Variants in ARMC12 observed in about 807,000 individuals in gnomAD.
ARMC12 encodes the protein armadillo repeat containing 12, also known as armadillo repeat-containing protein 12.
Under a neutral mutation model 37.4 loss-of-function variants are expected in ARMC12, and 25 were observed. The observed-to-expected ratio is 0.67, with a 90% CI of 0.49 to 0.93. The LOEUF is 0.93. Ranked by LOEUF, ARMC12 falls within the 40% of genes least tolerant of loss-of-function variation. The pLI is 0.00. For synonymous variants in ARMC12, 167 were observed against 176.1 expected (o/e 0.95, Z 0.41); for missense variants, 384 against 426.6 (o/e 0.90, Z 0.88).
chr6:35,744,054 A>G (rs1767258949), intron 3 of ARMC12, among the ~76,000 whole-genome samples: 1 of 152,188 alleles, frequency 6.6e-6, no homozygotes, highest in South Asian at 2.1e-4. Context: ...AATACATTGG[A>G]CTTTATTAAA....
chr6:35,743,521 A>G (rs771217364), intron 3 of ARMC12, among the ~76,000 whole-genome samples: 2 of 152,154 alleles, frequency 1.3e-5, no homozygotes, highest in Admixed American at 6.5e-5. Context: ...TCCTGCCCGC[A>G]TCTTGCATCC....
upstream of ARMC12, among the ~76,000 whole-genome samples, chr6:35,732,301 T>C (rs1025410092): frequency 2.6e-5 from 4 of 152,138 alleles, no homozygotes; most frequent in Non-Finnish European, 5.9e-5. Context: ...CAGCCTTTCA[T>C]CTCTTGGCTT....
At chr6:35,736,352 A>T (rs569255240), upstream of ARMC12, among the ~76,000 whole-genome samples, 21 of 150,744 alleles carry the variant, frequency 1.4e-4, no homozygotes, top group Non-Finnish European at 2.4e-4. Context: ...TAGGGTGGAG[A>T]GATCACATAT....
rs74403253 is a variant in ARMC12 at position 35,747,057 on chromosome 6, T to TAAAAAA, written c.445-191_445-186dup. Among the ~76,000 whole-genome samples, 12 of 82,526 alleles carry TAAAAAA rather than the reference T, an allele frequency of 1.5e-4. 1 individual carries two copies. Among genetic ancestry groups the TAAAAAA allele is most frequent in the African/African-American group, 5.7e-4 (10 of 17,422 alleles). 54.1% of individuals were successfully genotyped at this position (82,526 alleles called of 152,430 possible). A position where few individuals can be genotyped will look rare whatever the true frequency, so the allele number is the denominator to read the frequency against. On this transcript the variant is annotated intron_variant, in intron 3 of 5. Transcript: ENST00000373866. Reference sequence around the variant, plus strand: ...GCAGAATAGCTAGGAAAGAAGTCTGTAAAAAAAAAAAAAAAAAAGCCAAAT... The same window carrying TAAAAAA: ...GCAGAATAGCTAGGAAAGAAGTCTGTAAAAAAAAAAAAAAAAAAAAAAAAGCCAAAT...
chr6:35,737,283 G>C lies in ARMC12; in HGVS notation c.163+12G>C. 1 of 1,614,244 alleles carries C rather than the reference G, an allele frequency of 6.2e-7. No individual in the cohort carries two copies. The highest frequency in any genetic ancestry group is 8.5e-7 in the Non-Finnish European group (1 of 1,180,040). On this transcript the variant is annotated intron_variant, in intron 1 of 5. Transcript: ENST00000373866. ...CATCTGCATCGCCCGTGAGTGTCCG[G>C]GCCCTGGGGAGAGGGCTCTGCCCCA...
At chr6:35,748,320 A>G (rs1407366978) in intron 5 of ARMC12, among the ~76,000 whole-genome samples, 1 of 152,220 alleles carries the variant, frequency 6.6e-6, no homozygotes, top group Non-Finnish European at 1.5e-5. Context: ...TTGTCTCAAC[A>G]AAATTTCCAG....
chr6:35,740,922 C>T (rs1382011559), intron 3 of ARMC12, among the ~76,000 whole-genome samples: 1 of 122,408 alleles, frequency 8.2e-6, no homozygotes, highest in Non-Finnish European at 1.6e-5. Context: ...TTTTTTGAGA[C>T]AGGGTCTCGT....
At chr6:35,743,191 A>G (rs1767227356) in intron 3 of ARMC12, among the ~76,000 whole-genome samples, 2 of 150,960 alleles carry the variant, frequency 1.3e-5, no homozygotes, top group Non-Finnish European at 2.9e-5. Flanking sequence ...TGTCTTTGGT[A>G]ATGCCTCTAG....
chr6:35,748,983 C>T lies in ARMC12; in HGVS notation c.*113C>T. On this transcript the variant is annotated 3_prime_UTR_variant, in exon 6 of 6. Coordinates refer to ENST00000373866, the MANE Select transcript of ARMC12 (RefSeq NM_001286574.2). Reference sequence around the variant, plus strand: ...GTGGAGATTTCATTCAGCATAACCTCTGCTCCAGAGTGTGGTACAGCATGG... The same window carrying T: ...GTGGAGATTTCATTCAGCATAACCTTTGCTCCAGAGTGTGGTACAGCATGG... 2 of 1,106,220 alleles carry T rather than the reference C, an allele frequency of 1.8e-6. No individual in the cohort carries two copies. Among genetic ancestry groups the T allele is most frequent in the Non-Finnish European group, 2.5e-6 (2 of 790,058 alleles). 68.5% of individuals were successfully genotyped at this position (1,106,220 alleles called of 1,614,324 possible).
chr6:35,747,173 T>C, intron 3 of ARMC12, 88 bp from the exon 4 acceptor site: 1 of 1,425,250 alleles, frequency 7.0e-7, no homozygotes, highest in Non-Finnish European at 9.5e-7. Flanking sequence ...CCAGGGGACA[T>C]CCATGGGGAC....
rs9462107 is a variant in ARMC12 at position 35,738,226 on chromosome 6, C to T, written c.309+54C>T. On this transcript the variant is annotated intron_variant, in intron 2 of 5. Transcript: ENST00000373866. ...CGGCCTGGCCCCTGGGGGTTACGGC[C>T]GATCCCTGCCCCTGGAATGGCCAGA... The T allele has an allele frequency of 6.3e-3, 10,013 of 1,580,090 alleles. 407 individuals are homozygous for T. The African/African-American group carries it at 0.1, about 16-fold the overall frequency.
chr6:35,738,263 G>A (rs1372666597), intron 2 of ARMC12, 91 bp downstream of exon 2: 10 of 990,686 alleles, frequency 1.0e-5, no homozygotes, highest in Admixed American at 6.5e-5. Context: ...TATATCCTGG[G>A]ACCTCTCTCT....
chr6:35,738,934 G>C (rs1561920557), intron 3 of ARMC12, among the ~76,000 whole-genome samples: 1 of 152,194 alleles, frequency 6.6e-6, no homozygotes, highest in Non-Finnish European at 1.5e-5. Flanking sequence ...TCATAGGTCT[G>C]ACTTCTGACT....
intron 3 of ARMC12, among the ~76,000 whole-genome samples, chr6:35,745,767 C>T (rs144699507): frequency 4.6e-5 from 7 of 152,254 alleles, no homozygotes; most frequent in African/African-American, 7.2e-5. Flanking sequence ...AAATAAAGGC[C>T]GGGCGCGGAG....
chr6:35,737,216 G>A lies in ARMC12; in HGVS notation c.108G>A (p.Lys36=), dbSNP rs1766992548. ...TCTACCTGCTCTACAAGGCCATCAA[G>A]GCTGGCATAAAATGCAAACCACCCC... is the stretch of plus-strand genomic sequence containing the variant. ...GAIYLLYKAI[K]AGIKCKPPLC... is the part of the protein sequence containing the mutation. Residue 36 remains lysine (K), a synonymous_variant, in exon 1 of 6, where the codon AAG becomes AAA. Coordinates refer to ENST00000373866, the MANE Select transcript of ARMC12 (RefSeq NM_001286574.2). The A allele has an allele frequency of 6.2e-7, 1 of 1,614,128 alleles. No individual in the cohort carries two copies. The highest frequency in any genetic ancestry group is 8.5e-7 in the Non-Finnish European group (1 of 1,180,046).
upstream of ARMC12, among the ~76,000 whole-genome samples, chr6:35,733,696 G>A (rs1012967161): frequency 8.5e-5 from 13 of 152,146 alleles, no homozygotes; most frequent in Admixed American, 3.3e-4. Context: ...TAGTAGAGAC[G>A]GGGTTTCCCC....
intron 3 of ARMC12, among the ~76,000 whole-genome samples, chr6:35,739,343 T>C (rs1767096882): frequency 6.6e-6 from 1 of 152,226 alleles, no homozygotes; most frequent in South Asian, 2.1e-4. Context: ...TGTGCATTCA[T>C]CTAAAGACGT....
At position 35,747,750 on chromosome 6, in the gene ARMC12, T is replaced by C; in HGVS notation, c.690+103T>C. 5 of 1,229,018 alleles carry C rather than the reference T, an allele frequency of 4.1e-6. No homozygotes were observed. In the South Asian group the frequency reaches 5.2e-5, roughly 13 times the overall value. The allele number at this position is 1,229,018 out of a possible 1,614,324, so 76.1% of individuals were successfully genotyped here. A position where few individuals can be genotyped will look rare whatever the true frequency, so the allele number is the denominator to read the frequency against. On this transcript the variant is annotated intron_variant, in intron 5 of 5. Coordinates refer to ENST00000373866, the MANE Select transcript of ARMC12 (RefSeq NM_001286574.2). ...CAGATTTACCCCTGATGAATTGTTT[T>C]AGTATCTTCCTGCCTCTGCACTAAA...
At chr6:35,737,340 G>A (rs765423346) in intron 1 of ARMC12, 69 bp downstream of exon 1, 5 of 1,614,164 alleles carry the variant, frequency 3.1e-6, no homozygotes, top group Non-Finnish European at 4.2e-6. Context: ...CTCTGCTGTG[G>A]GAGGGCCCAA....
Sources: gnomAD v4.1 joint callset for allele counts (sites outside exome capture counted in the v4.1 genomes callset) on GRCh38, gnomAD v4.1.1 for gene constraint, MANE v1.5 for transcripts, NCBI Gene and HGNC (gene_info 2026-07-23, HGNC 2026-07-21) for gene names.